Variants in LARS2 observed in about 807,000 individuals in gnomAD.
LARS2 encodes the protein leucine--tRNA ligase, mitochondrial.
Under a neutral mutation model 116.6 loss-of-function variants are expected in LARS2, and 81 were observed. The ratio of observed to expected loss-of-function variants is 0.69; its 90% CI spans 0.58 to 0.84. The LOEUF is 0.84. Among genes scored for constraint, LARS2 ranks in the 40% least tolerant of loss-of-function variants. LARS2 has a pLI of 0.00. For synonymous variants in LARS2, 396 were observed against 407.2 expected (o/e 0.97, Z 0.33); for missense variants, 968 against 1,114.5 (o/e 0.87, Z 1.87).
At chr3:45,396,523 C>T (rs1698050314) in intron 3 of LARS2, among the ~76,000 whole-genome samples, 1 of 152,246 alleles carries the variant, frequency 6.6e-6, no homozygotes, top group Non-Finnish European at 1.5e-5. Flanking sequence ...ACGGAATGCT[C>T]ATGGATTTTG....
chr3:45,470,996 A>G (rs1699512711), intron 8 of LARS2, among the ~76,000 whole-genome samples: 1 of 150,986 alleles, frequency 6.6e-6, no homozygotes, highest in Admixed American at 6.6e-5. Context: ...AGATGTAAAG[A>G]CATGAAATGA....
At chr3:45,454,129 C>T (rs1386505349) in intron 7 of LARS2, among the ~76,000 whole-genome samples, 3 of 152,086 alleles carry the variant, frequency 2.0e-5, no homozygotes, top group Non-Finnish European at 4.4e-5. Flanking sequence ...GCAGCAAGCA[C>T]CACAGCTGCT....
At chr3:45,443,194 G>A (rs1698943842) in intron 6 of LARS2, among the ~76,000 whole-genome samples, 1 of 152,184 alleles carries the variant, frequency 6.6e-6, no homozygotes, top group Admixed American at 6.5e-5. Flanking sequence ...ACCCCTAGAA[G>A]ACCCTTGTCT....
At chr3:45,525,474 C>T (rs956124090) in intron 20 of LARS2, among the ~76,000 whole-genome samples, 2 of 152,166 alleles carry the variant, frequency 1.3e-5, no homozygotes, top group Non-Finnish European at 2.9e-5. Flanking sequence ...GGAACTAATC[C>T]TAAAACCTGG....
chr3:45,476,399 A>G (rs1699609480), intron 9 of LARS2, 69 bp from the exon 10 acceptor site: 2 of 1,507,162 alleles, frequency 1.3e-6, no homozygotes, highest in Non-Finnish European at 1.8e-6. Context: ...GGAAGGGGAT[A>G]CAGTTAGGGA....
chr3:45,486,425 G>A (rs947546977), intron 11 of LARS2, among the ~76,000 whole-genome samples: 17 of 152,202 alleles, frequency 1.1e-4, no homozygotes, highest in African/African-American at 3.6e-4. Context: ...TGAACAAAGA[G>A]AAGGGAACCT....
At chr3:45,453,754 A>G (rs1699172321) in intron 7 of LARS2, among the ~76,000 whole-genome samples, 1 of 152,208 alleles carries the variant, frequency 6.6e-6, no homozygotes, top group Non-Finnish European at 1.5e-5. Flanking sequence ...TTGTCAAGAA[A>G]GAAGCTAATA....
intron 6 of LARS2, among the ~76,000 whole-genome samples, chr3:45,444,066 G>A (rs1346328699): frequency 2.7e-5 from 4 of 148,736 alleles, no homozygotes; most frequent in South Asian, 2.1e-4. Flanking sequence ...GTGCACTGGC[G>A]TGATCTCAGC....
At chr3:45,405,217 G>T (rs1008305312) in intron 4 of LARS2, among the ~76,000 whole-genome samples, 2 of 151,708 alleles carry the variant, frequency 1.3e-5, no homozygotes, top group Admixed American at 6.6e-5. Flanking sequence ...GCCTCCCAAA[G>T]GGCTAGGATT....
chr3:45,473,981 G>C (rs1274181339), intron 8 of LARS2, among the ~76,000 whole-genome samples: 1 of 152,086 alleles, frequency 6.6e-6, no homozygotes, highest in African/African-American at 2.4e-5. Flanking sequence ...ACCTTTGTTT[G>C]TTAATTTTCT....
intron 20 of LARS2, among the ~76,000 whole-genome samples, chr3:45,536,163 C>G (rs1700702201): frequency 8.1e-3 from 1 of 124 alleles, no homozygotes. Flanking sequence ...ACTCTGTTGC[C>G]CAGGCCTGAG....
At chr3:45,426,082 C>A (rs189704709) in intron 6 of LARS2, among the ~76,000 whole-genome samples, 1 of 152,116 alleles carries the variant, frequency 6.6e-6, no homozygotes, top group East Asian at 1.9e-4. Flanking sequence ...AAAGACAGCA[C>A]GATTTGTATG....
rs896210296 is a variant in LARS2, at chr3:45,460,683, C to T, written c.750+1797C>T. Among the ~76,000 whole-genome samples the T allele has an allele frequency of 5.3e-5, 8 of 152,202 alleles. No individual in the cohort carries two copies. The South Asian group carries it at 1.7e-3, about 32-fold the overall frequency. ...GAGAGTAAGACTCCATGAAGCCTAACAGAGAACAATGCTATGGGTCTGAGA... is the reference window on the plus strand; with the variant it reads ...GAGAGTAAGACTCCATGAAGCCTAATAGAGAACAATGCTATGGGTCTGAGA... On this transcript the variant is annotated intron_variant, in intron 8 of 21. Transcript: ENST00000645846.
At chr3:45,446,271 A>G (rs1699016020) in intron 6 of LARS2, among the ~76,000 whole-genome samples, 1 of 152,242 alleles carries the variant, frequency 6.6e-6, no homozygotes, top group Admixed American at 6.5e-5. Flanking sequence ...TAGGACAGAA[A>G]GTAAATTTGG....
chr3:45,539,736 T>TA (rs200399094), intron 20 of LARS2, among the ~76,000 whole-genome samples: 5,240 of 152,302 alleles, frequency 0.034, 98 homozygotes, highest in Middle Eastern at 0.068. Flanking sequence ...CTGATATTAT[T>TA]ACTATTTCCT....
At chr3:45,388,983 G>C (rs147976827) in intron 1 of LARS2, 1 of 152,128 alleles carries the variant, frequency 6.6e-6, no homozygotes, top group Non-Finnish European at 1.5e-5. Flanking sequence ...CCCCGGACTA[G>C]GGGTTTGGAC....
intron 20 of LARS2, among the ~76,000 whole-genome samples, chr3:45,528,271 C>T (rs761995008): frequency 7.2e-5 from 11 of 152,164 alleles, no homozygotes; most frequent in East Asian, 3.9e-4. Flanking sequence ...CAGGAGTTCA[C>T]GGCTGCAGTG....
At chr3:45,393,590 A>AG (rs1167035076) in intron 2 of LARS2, among the ~76,000 whole-genome samples, 1 of 152,080 alleles carries the variant, frequency 6.6e-6, no homozygotes, top group Non-Finnish European at 1.5e-5. Context: ...AGAAAAAAAA[A>AG]CAGAGAAAGA....
chr3:45,485,410 A>G (rs1699787783), intron 10 of LARS2, among the ~76,000 whole-genome samples: 1 of 152,220 alleles, frequency 6.6e-6, no homozygotes, highest in Non-Finnish European at 1.5e-5. Context: ...TTCAAAAGGA[A>G]AAGACAGTGA....
Sources: allele counts gnomAD v4.1 joint callset (sites outside exome capture counted in the v4.1 genomes callset), GRCh38; gene constraint gnomAD v4.1.1; transcripts MANE v1.5; gene names NCBI Gene and HGNC (gene_info 2026-07-23, HGNC 2026-07-21).